Variants in SEPSECS observed in about 807,000 individuals in gnomAD.
SEPSECS encodes the protein Sep (O-phosphoserine) tRNA:Sec (selenocysteine) tRNA synthase.
A neutral mutation model predicts 52.1 loss-of-function variants in SEPSECS; 42 were observed. The observed-to-expected ratio is 0.81, with a 90% CI of 0.63 to 1.04. The LOEUF (loss-of-function observed/expected upper bound fraction) is 1.04, where lower values mean the gene tolerates loss of function less well. Among genes scored for constraint, SEPSECS ranks in the 50% least tolerant of loss-of-function variants. The pLI is 0.00. For missense variants in SEPSECS, 590 were observed against 610.6 expected, an observed-to-expected ratio of 0.97 and a Z score of 0.36; for synonymous variants, 216 against 211.4, an observed-to-expected ratio of 1.02 and a Z score of -0.19.
chr4:25,143,432 T>C (rs1170790414), intron 8 of SEPSECS, among the ~76,000 whole-genome samples: 1 of 152,246 alleles, frequency 6.6e-6, no homozygotes, highest in African/African-American at 2.4e-5. Context: ...AATGAAACTG[T>C]ACAATATGTA....
intron 8 of SEPSECS, among the ~76,000 whole-genome samples, chr4:25,135,358 C>CA (rs576424360): frequency 9.8e-4 from 149 of 151,466 alleles, no homozygotes; most frequent in African/African-American, 3.5e-3. Flanking sequence ...ATCAAATAGA[C>CA]ACAACAAAAA....
At chr4:25,147,118 C>G (rs1712007161) in intron 6 of SEPSECS, among the ~76,000 whole-genome samples, 1 of 152,206 alleles carries the variant, frequency 6.6e-6, no homozygotes, top group South Asian at 2.1e-4. Context: ...TGGCTGTTAG[C>G]TTCTGACTGG....
chr4:25,152,110 A>C (rs1292147922), intron 5 of SEPSECS, 48 bp from the exon 6 acceptor site: 1 of 1,152,088 alleles, frequency 8.7e-7, no homozygotes, highest in African/African-American at 1.5e-5. Flanking sequence ...ACTGTGTTTT[A>C]TAAATGATAG....
chr4:25,135,219 T>A (rs2109012130), intron 8 of SEPSECS, among the ~76,000 whole-genome samples: 1 of 144,604 alleles, frequency 6.9e-6, no homozygotes, highest in South Asian at 2.2e-4. Context: ...ACAGTGGAAC[T>A]GAAGGAGACA....
intron 2 of SEPSECS, among the ~76,000 whole-genome samples, chr4:25,157,539 C>CTT (rs143797424): frequency 7.3e-5 from 10 of 137,212 alleles, no homozygotes; most frequent in Non-Finnish European, 1.1e-4. Context: ...ATTAAATTAT[C>CTT]TTTTTTTTTT....
chr4:25,151,414 C>G lies in SEPSECS; in HGVS notation c.804+546G>C, dbSNP rs77713847. On this transcript the variant is annotated intron_variant, in intron 6 of 10. Coordinates refer to ENST00000382103, the MANE Select transcript of SEPSECS (RefSeq NM_016955.4). ...CAGCAAATCAGCAAAGGCCTGAATACACAAAGCCTTGTAGGCCATAGTTCT... is the reference window on the plus strand; with the variant it reads ...CAGCAAATCAGCAAAGGCCTGAATAGACAAAGCCTTGTAGGCCATAGTTCT... 5.1e-3 allele frequency among the ~76,000 whole-genome samples: 784 copies of G among 152,260 alleles called. 8 individuals are homozygous for G. Among genetic ancestry groups the G allele is most frequent in the African/African-American group, 0.018 (732 of 41,554 alleles).
intron 8 of SEPSECS, among the ~76,000 whole-genome samples, chr4:25,139,267 A>G (rs1303999476): frequency 6.6e-6 from 1 of 152,144 alleles, no homozygotes; most frequent in Non-Finnish European, 1.5e-5. Context: ...CTACACATAA[A>G]TATTTGTTTG....
chr4:25,149,254 T>C (rs1036791401), intron 6 of SEPSECS, among the ~76,000 whole-genome samples: 3 of 151,976 alleles, frequency 2.0e-5, no homozygotes, highest in African/African-American at 7.3e-5. Context: ...TTTGTAGAGA[T>C]GGAGTCTTGC....
At chr4:25,148,437 G>T (rs957347318) in intron 6 of SEPSECS, among the ~76,000 whole-genome samples, 37 of 150,390 alleles carry the variant, frequency 2.5e-4, no homozygotes, top group African/African-American at 7.3e-4. Flanking sequence ...TAACAATAAG[G>T]ACTATTGAGA....
At chr4:25,157,399 C>T (rs1470380379) in intron 2 of SEPSECS, among the ~76,000 whole-genome samples, 1 of 152,128 alleles carries the variant, frequency 6.6e-6, no homozygotes, top group Non-Finnish European at 1.5e-5. Context: ...ACATGACAGA[C>T]CCAAAGCAAT....
chr4:25,144,387 G>A (rs553645890), intron 8 of SEPSECS, among the ~76,000 whole-genome samples: 2 of 149,248 alleles, frequency 1.3e-5, no homozygotes, highest in African/African-American at 4.9e-5. Flanking sequence ...TCTTGTGACT[G>A]ACATCTCACT....
rs1712537630 is a variant in SEPSECS at position 25,155,059 on chromosome 4, G to A, written c.640C>T (p.Pro214Ser). Residue 214 changes from proline to serine, a missense_variant, in exon 5 of 11, where the codon CCT becomes TCT. Physicochemically the swap from Pro to Ser is moderately conservative, Grantham distance 74. Coordinates refer to ENST00000382103, the MANE Select transcript of SEPSECS (RefSeq NM_016955.4). The part of the protein sequence containing the change: ...AVEAKVQELG[P>S]DCILCIHSTT... Reference sequence around the variant, plus strand: ...GAATGAATACACAGAATGCAATCAGGCCCAAGTTCCTGGACTTTAGCCTCC... The same window carrying A: ...GAATGAATACACAGAATGCAATCAGACCCAAGTTCCTGGACTTTAGCCTCC... The A allele has an allele frequency of 1.9e-6, 3 of 1,613,978 alleles. No individual in the cohort carries two copies. The highest frequency in any genetic ancestry group is 2.5e-6 in the Non-Finnish European group (3 of 1,179,994).
chr4:25,160,047 C>G (rs1712967347), intron 1 of SEPSECS: 1 of 985,306 alleles, frequency 1.0e-6, no homozygotes, highest in Non-Finnish European at 1.2e-6. Context: ...ACACCCCCTC[C>G]TAACAACACC....
chr4:25,160,007 G>A, intron 1 of SEPSECS: 8 of 985,388 alleles, frequency 8.1e-6, no homozygotes, highest in South Asian at 4.7e-5. Context: ...CCCGAAGTTA[G>A]AAACAGCGGG....
chr4:25,146,163 A>AT (rs1376552930), intron 6 of SEPSECS, among the ~76,000 whole-genome samples: 3 of 152,170 alleles, frequency 2.0e-5, no homozygotes, highest in Non-Finnish European at 4.4e-5. Context: ...GTAGCCACAG[A>AT]TTTTCAATCT....
chr4:25,152,022 G>C lies in SEPSECS; in HGVS notation c.742C>G (p.Pro248Ala), dbSNP rs1712333921. The C allele has an allele frequency of 1.3e-6, 2 of 1,599,338 alleles. No individual in the cohort carries two copies. The highest frequency in any genetic ancestry group is 1.7e-6 in the Non-Finnish European group (2 of 1,166,754). The part of the protein sequence containing the change: ...LAVICANYDI[P>A]HIVNNAYGVQ... Reference sequence around the variant, plus strand: ...CCATAAGCATTATTAACTATATGTGGAATGTCATAATTAGCACAAATCACA... The same window carrying C: ...CCATAAGCATTATTAACTATATGTGCAATGTCATAATTAGCACAAATCACA... Residue 248 changes from proline to alanine, a missense_variant, in exon 6 of 11, where the codon CCA becomes GCA. Pro to Ala is a conservative substitution (Grantham distance 27). Coordinates refer to ENST00000382103, the MANE Select transcript of SEPSECS (RefSeq NM_016955.4).
intron 6 of SEPSECS, among the ~76,000 whole-genome samples, chr4:25,150,111 A>T (rs2109027129): frequency 6.6e-6 from 1 of 152,358 alleles, no homozygotes; most frequent in Admixed American, 6.5e-5. Context: ...AACCACATTT[A>T]TGTAAAAGAT....
intron 8 of SEPSECS, among the ~76,000 whole-genome samples, chr4:25,136,400 T>C (rs1469219456): frequency 1.3e-5 from 2 of 152,004 alleles, no homozygotes; most frequent in Non-Finnish European, 2.9e-5. Context: ...AGCATTCCTA[T>C]ACAACAACAA....
chr4:25,142,002 C>T (rs1711579747), intron 8 of SEPSECS, among the ~76,000 whole-genome samples: 1 of 152,186 alleles, frequency 6.6e-6, no homozygotes, highest in South Asian at 2.1e-4. Context: ...TTGGGCTGGG[C>T]ACGGAGGCTC....
Sources: gnomAD v4.1 joint callset for allele counts (sites outside exome capture counted in the v4.1 genomes callset) on GRCh38, gnomAD v4.1.1 for gene constraint, MANE v1.5 for transcripts, NCBI Gene and HGNC (gene_info 2026-07-23, HGNC 2026-07-21) for gene names.